Variants in ADGRV1 observed in about 807,000 individuals in gnomAD.
ADGRV1 encodes the protein adhesion G protein-coupled receptor V1, also known as G-protein coupled receptor 98.
In ADGRV1, 359 loss-of-function variants were observed where a neutral mutation model predicts 596.2. That is an observed-to-expected ratio of 0.60 (90% CI 0.55 to 0.66). The LOEUF (loss-of-function observed/expected upper bound fraction) is 0.66. Ranked by LOEUF, ADGRV1 falls within the 30% of genes least tolerant of loss-of-function variation. The probability of loss-of-function intolerance (pLI) is 0.00; values close to 1 mark genes in which losing one functional copy is unlikely to be tolerated. For missense variants in ADGRV1, 7,274 were observed against 7,575.6 expected (o/e 0.96, Z 1.48); for synonymous variants, 2,681 against 2,679.2 (o/e 1.00, Z -0.02).
In ADGRV1 at chr5:91,102,156, CT is replaced by C. The variant is rs552244043; in HGVS notation, c.18311-62del. On this transcript the variant is annotated intron_variant, in intron 86 of 89. Transcript: ENST00000405460. ...TACCACAGAAAGAAGCCAAAAATAA[CT>C]GTGTATACATGTGACTGTGCAGTAT... is the stretch of plus-strand genomic sequence containing the variant. The C allele has an allele frequency of 2.6e-4, 385 of 1,482,412 alleles. 4 individuals are homozygous for C. In the South Asian group the frequency reaches 4.5e-3, roughly 17 times the overall value. The allele number at this position is 1,482,412 out of a possible 1,614,324, so 91.8% of individuals were successfully genotyped here.
chr5:91,150,122 T>C lies in ADGRV1; in HGVS notation c.18525T>C (p.Pro6175=). The C allele has an allele frequency of 1.3e-6, 2 of 1,589,452 alleles. No individual in the cohort carries two copies. The highest frequency in any genetic ancestry group is 1.7e-6 in the Non-Finnish European group (2 of 1,167,638). The change falls in exon 88 of 90, where the codon CCT becomes CCC. Residue 6175 remains proline (P), a synonymous_variant. Transcript: ENST00000405460. ...ACACTGTGGAAATGAATGGGCATCC[T>C]GGACCCAGCACAGCCTTTTTCACGC... ...ASYTVEMNGH[P]GPSTAFFTPG... is the part of the protein sequence containing the mutation.
chr5:90,561,429 T>C (rs1754817055), intron 1 of ADGRV1, among the ~76,000 whole-genome samples: 2 of 152,208 alleles, frequency 1.3e-5, no homozygotes, highest in Admixed American at 6.5e-5. Flanking sequence ...AGTATCCTAA[T>C]GGGTAAACTT....
intron 85 of ADGRV1, among the ~76,000 whole-genome samples, chr5:91,010,134 T>C (rs1696086998): frequency 6.6e-6 from 1 of 152,022 alleles, no homozygotes; most frequent in Admixed American, 6.6e-5. Flanking sequence ...ACTGGCCGGG[T>C]TAGGAAGTCT....
intron 29 of ADGRV1, among the ~76,000 whole-genome samples, 177 bp downstream of exon 29, chr5:90,686,172 GA>G (rs1745615587): frequency 6.7e-6 from 1 of 150,042 alleles, no homozygotes; most frequent in Admixed American, 6.6e-5. Context: ...TGGGGGGGGG[GA>G]TGGAGTCTCG....
At position 90,628,775 on chromosome 5, in the gene ADGRV1, A is replaced by T. The variant is rs1270652689; in HGVS notation, c.1452A>T (p.Leu484=). 1 of 1,613,998 alleles carries T rather than the reference A, an allele frequency of 6.2e-7. No homozygotes were observed. Among genetic ancestry groups the T allele is most frequent in the South Asian group, 1.1e-5 (1 of 91,080 alleles). The change falls in exon 8 of 90, where the codon CTA becomes CTT. Residue 484 remains leucine (L), a synonymous_variant. Transcript: ENST00000405460. ...DDLPEEAEAY[L]LQILPHTIRG... Reference sequence around the variant, plus strand: ...TTCCAGAAGAGGCAGAAGCTTATCTACTTCAAATTCTGCCTCATACAATAC... The same window carrying T: ...TTCCAGAAGAGGCAGAAGCTTATCTTCTTCAAATTCTGCCTCATACAATAC...
intron 50 of ADGRV1, among the ~76,000 whole-genome samples, chr5:90,742,803 G>A (rs1348240433): frequency 6.6e-6 from 1 of 152,208 alleles, no homozygotes; most frequent in East Asian, 1.9e-4. Flanking sequence ...TGTCTCACAA[G>A]TAAAACCACG....
At chr5:90,699,644 A>G (rs1747642113) in intron 34 of ADGRV1, among the ~76,000 whole-genome samples, 1 of 152,176 alleles carries the variant, frequency 6.6e-6, no homozygotes, top group Non-Finnish European at 1.5e-5. Flanking sequence ...ATGTTGTGAA[A>G]GTGCATCCTA....
At chr5:90,711,438 A>T (rs965233057) in intron 41 of ADGRV1, 116 bp downstream of exon 41, 3 of 742,204 alleles carry the variant, frequency 4.0e-6, no homozygotes, top group Non-Finnish European at 6.1e-6. Flanking sequence ...AAACCATTGT[A>T]TTTTTCACAG....
At chr5:90,808,537 C>T (rs1762123379) in intron 73 of ADGRV1, among the ~76,000 whole-genome samples, 1 of 152,086 alleles carries the variant, frequency 6.6e-6, no homozygotes, top group African/African-American at 2.4e-5. Flanking sequence ...AAATGTTCAT[C>T]CAGAGAACAT....
intron 86 of ADGRV1, among the ~76,000 whole-genome samples, chr5:91,074,202 T>A (rs1165288854): frequency 6.6e-6 from 1 of 152,248 alleles, no homozygotes; most frequent in Non-Finnish European, 1.5e-5. Flanking sequence ...GAGAGGTATA[T>A]GTGCATGTTT....
intron 84 of ADGRV1, among the ~76,000 whole-genome samples, chr5:90,978,307 TA>T (rs1387254769): frequency 5.9e-5 from 9 of 151,630 alleles, no homozygotes; most frequent in Non-Finnish European, 4.4e-5. Context: ...AATAAATAAA[TA>T]AATAAATAAA....
chr5:91,012,341 C>A (rs1782790471), intron 85 of ADGRV1, among the ~76,000 whole-genome samples: 2 of 151,936 alleles, frequency 1.3e-5, no homozygotes, highest in African/African-American at 4.8e-5. Context: ...TTTCTCCGCC[C>A]ATTTTCTTAT....
chr5:90,693,632 C>T (rs1042876359), intron 32 of ADGRV1, among the ~76,000 whole-genome samples: 2 of 151,794 alleles, frequency 1.3e-5, no homozygotes, highest in African/African-American at 4.8e-5. Flanking sequence ...GTTTTGAAAC[C>T]CTGAATTTGC....
chr5:90,972,283 G>T (rs1212369859), intron 84 of ADGRV1, among the ~76,000 whole-genome samples: 1 of 152,060 alleles, frequency 6.6e-6, no homozygotes, highest in Non-Finnish European at 1.5e-5. Context: ...GTCAACATTA[G>T]ACAGATCAAT....
intron 34 of ADGRV1, among the ~76,000 whole-genome samples, chr5:90,699,376 A>G (rs901869593): frequency 2.0e-5 from 3 of 152,168 alleles, no homozygotes; most frequent in African/African-American, 2.4e-5. Context: ...GAAGCATTGG[A>G]TAGAACAGAT....
At chr5:90,956,964 T>A (rs993833609) in intron 83 of ADGRV1, among the ~76,000 whole-genome samples, 1 of 151,928 alleles carries the variant, frequency 6.6e-6, no homozygotes, top group African/African-American at 2.4e-5. Context: ...AATTAAATAT[T>A]CTCTTAAGGG....
intron 23 of ADGRV1, 38 bp from the exon 24 acceptor site, chr5:90,675,205 T>C (rs779111220): frequency 6.4e-7 from 1 of 1,564,294 alleles, no homozygotes; most frequent in Admixed American, 1.7e-5. Context: ...CTTGCACAGT[T>C]CATTGGGACA....
At chr5:90,727,184 C>G (rs1051934908) in intron 48 of ADGRV1, among the ~76,000 whole-genome samples, 1 of 152,108 alleles carries the variant, frequency 6.6e-6, no homozygotes, top group Non-Finnish European at 1.5e-5. Context: ...ACCTCCTGGG[C>G]TCTGGTGATC....
rs1297093100 is a variant in ADGRV1, at chr5:90,679,570, A to T, written c.5465A>T (p.Asp1822Val). 1 of 1,613,516 alleles carries T rather than the reference A, an allele frequency of 6.2e-7. No individual in the cohort carries two copies. Among genetic ancestry groups the T allele is most frequent in the South Asian group, 1.1e-5 (1 of 91,030 alleles). ...EGGVAELFRV[D>V]GSGSGDGDME... ...GAAGTAGCTGAACTCTTTAGGGTTG[A>T]TGGAAGTGGTAGTGGTGATGGGGAC... The change falls in exon 26 of 90, where the codon GAT becomes GTT. Residue 1822 changes from aspartate to valine, a missense_variant. Transcript: ENST00000405460.
Sources: allele counts gnomAD v4.1 joint callset (sites outside exome capture counted in the v4.1 genomes callset), GRCh38; gene constraint gnomAD v4.1.1; transcripts MANE v1.5; gene names NCBI Gene and HGNC (gene_info 2026-07-23, HGNC 2026-07-21).